The following DPP10 variants were observed in gnomAD, a reference collection of about 807,000 sequenced individuals.
DPP10 encodes dipeptidyl peptidase like 10.
DPP10 carries 33 observed loss-of-function variants against 120.9 expected under a neutral mutation model. The ratio of observed to expected loss-of-function variants is 0.27; its 90% CI spans 0.21 to 0.37. The LOEUF is 0.37. Among genes scored for constraint, DPP10 ranks in the 10% least tolerant of loss-of-function variants. The pLI is 1.00. For missense variants in DPP10, 816 were observed against 942.8 expected (o/e 0.87, Z 1.76); for synonymous variants, 337 against 326.1 (o/e 1.03, Z -0.36).
intron 1 of DPP10, among the ~76,000 whole-genome samples, chr2:115,081,801 C>A (rs991790207): frequency 6.6e-6 from 1 of 152,154 alleles, no homozygotes. Context: ...CTAATTCTAC[C>A]GAGGTTCTAC....
At chr2:115,291,794 A>G (rs1239994181) in intron 1 of DPP10, among the ~76,000 whole-genome samples, 1 of 152,158 alleles carries the variant, frequency 6.6e-6, no homozygotes, top group African/African-American at 2.4e-5. Flanking sequence ...ACTTTTGAAC[A>G]CATTCATCAA....
chr2:115,686,691 G>A (rs964540187), intron 5 of DPP10, among the ~76,000 whole-genome samples: 6 of 151,900 alleles, frequency 3.9e-5, no homozygotes, highest in Non-Finnish European at 7.4e-5. Context: ...TTTCTTGATG[G>A]GATTGAATGA....
intron 9 of DPP10, among the ~76,000 whole-genome samples, chr2:115,743,531 A>C (rs1334916688): frequency 6.6e-6 from 1 of 152,188 alleles, no homozygotes; most frequent in Non-Finnish European, 1.5e-5. Flanking sequence ...AGTGTATCTA[A>C]TGATAAAAAA....
chr2:114,996,736 C>T (rs1453705239), intron 1 of DPP10, among the ~76,000 whole-genome samples: 1 of 152,072 alleles, frequency 6.6e-6, no homozygotes, highest in East Asian at 1.9e-4. Context: ...GTAATCCCAG[C>T]ACTTTGGGAG....
chr2:115,766,326 G>GTGTA (rs1379218031), intron 12 of DPP10, among the ~76,000 whole-genome samples: 4,204 of 49,030 alleles, frequency 0.086, 200 homozygotes, highest in East Asian at 0.19. Context: ...ATATATATAT[G>GTGTA]TATATATATA....
intron 5 of DPP10, among the ~76,000 whole-genome samples, chr2:115,613,007 T>C (rs2084228664): frequency 6.6e-6 from 1 of 152,190 alleles, no homozygotes; most frequent in East Asian, 1.9e-4. Context: ...CTCTTTTTAA[T>C]GTGTGTAGCC....
intron 1 of DPP10, among the ~76,000 whole-genome samples, chr2:114,873,833 T>G (rs891900804): frequency 7.2e-5 from 11 of 152,124 alleles, no homozygotes; most frequent in African/African-American, 2.7e-4. Flanking sequence ...TGAGATGGCT[T>G]TCTATACGTA....
chr2:114,871,230 C>CAGG lies in DPP10; in HGVS notation c.60+428392_60+428393insAGG, dbSNP rs749390298. ...ACCATGAGCCCCTTTGGAAAAAAAT[C>CAGG]CATCTTTCTCTATTATTGGGGGAAA... On this transcript the variant is annotated intron_variant, in intron 1 of 25. Coordinates refer to ENST00000410059, the MANE Select transcript of DPP10 (RefSeq NM_020868.6). Among the ~76,000 whole-genome samples, 129 of 83,394 alleles carry CAGG rather than the reference C, an allele frequency of 1.5e-3. 5 individuals are homozygous for CAGG. Among genetic ancestry groups the CAGG allele is most frequent in the Middle Eastern group, 5.1e-3 (1 of 196 alleles). 54.7% of individuals were successfully genotyped at this position (83,394 alleles called of 152,430 possible).
At chr2:115,328,865 C>G (rs1440178711) in intron 2 of DPP10, among the ~76,000 whole-genome samples, 1 of 151,986 alleles carries the variant, frequency 6.6e-6, no homozygotes, top group African/African-American at 2.4e-5. Context: ...ATGGAGTGAT[C>G]TAACCAAAGA....
At chr2:114,750,052 G>A (rs1679057319) in intron 1 of DPP10, among the ~76,000 whole-genome samples, 1 of 152,066 alleles carries the variant, frequency 6.6e-6, no homozygotes, top group African/African-American at 2.4e-5. Context: ...TTTCCCTTGT[G>A]CTTTTCTGTG....
chr2:114,896,925 A>T (rs1331498957), intron 1 of DPP10, among the ~76,000 whole-genome samples: 1 of 152,182 alleles, frequency 6.6e-6, no homozygotes, highest in Non-Finnish European at 1.5e-5. Flanking sequence ...TACCTAATTT[A>T]CTGAGAGTTT....
At chr2:115,035,999 G>A (rs1214773915) in intron 1 of DPP10, among the ~76,000 whole-genome samples, 1 of 152,186 alleles carries the variant, frequency 6.6e-6, no homozygotes, top group Admixed American at 6.5e-5. Context: ...AATTATATTA[G>A]TCTATTCTCA....
At chr2:114,813,776 T>G (rs1020542973) in intron 1 of DPP10, among the ~76,000 whole-genome samples, 1 of 151,788 alleles carries the variant, frequency 6.6e-6, no homozygotes, top group African/African-American at 2.4e-5. Flanking sequence ...CCACTTTCAG[T>G]GGGATCAGGT....
intron 1 of DPP10, among the ~76,000 whole-genome samples, chr2:114,873,971 T>C (rs143565770): frequency 6.6e-6 from 1 of 152,284 alleles, no homozygotes; most frequent in African/African-American, 2.4e-5. Context: ...ACTCAATCTG[T>C]CGCTTCAGTG....
intron 3 of DPP10, among the ~76,000 whole-genome samples, chr2:115,450,347 A>G (rs1159540592): frequency 6.6e-6 from 1 of 152,008 alleles, no homozygotes; most frequent in Non-Finnish European, 1.5e-5. Context: ...GTTTTATATC[A>G]TCGCACAGTG....
chr2:115,116,430 G>A (rs192425813), intron 1 of DPP10, among the ~76,000 whole-genome samples: 13 of 152,220 alleles, frequency 8.5e-5, no homozygotes, highest in Admixed American at 2.6e-4. Context: ...AAAATTGAGA[G>A]TCATCAAGGT....
chr2:114,489,032 T>C (rs1681757586), intron 1 of DPP10, among the ~76,000 whole-genome samples: 1 of 152,232 alleles, frequency 6.6e-6, no homozygotes, highest in Non-Finnish European at 1.5e-5. Flanking sequence ...CCCTTTGGGT[T>C]GCATGTGAAT....
chr2:114,794,448 T>C (rs565381259), intron 1 of DPP10, among the ~76,000 whole-genome samples: 1 of 152,348 alleles, frequency 6.6e-6, no homozygotes, highest in African/African-American at 2.4e-5. Flanking sequence ...TGCTTGTTTA[T>C]ATTTTCCATT....
intron 1 of DPP10, among the ~76,000 whole-genome samples, chr2:114,896,547 G>T (rs1427011640): frequency 2.6e-5 from 4 of 152,038 alleles, no homozygotes; most frequent in South Asian, 2.1e-4. Flanking sequence ...GTCTGTTATT[G>T]GTGTATAAGA....
Sources: gnomAD v4.1 joint callset for allele counts (sites outside exome capture counted in the v4.1 genomes callset) on GRCh38, gnomAD v4.1.1 for gene constraint, MANE v1.5 for transcripts, NCBI Gene and HGNC (gene_info 2026-07-23, HGNC 2026-07-21) for gene names.